SCFD2: variants seen among roughly 807,000 people sequenced by gnomAD.
The protein encoded by SCFD2 is sec1 family domain containing 2.
SCFD2 carries 54 observed loss-of-function variants against 58.9 expected under a neutral mutation model. The observed-to-expected ratio is 0.92, with a 90% CI of 0.74 to 1.15. The LOEUF is 1.15. Among genes scored for constraint, SCFD2 ranks in the 50% most tolerant of loss-of-function variants. SCFD2 has a pLI of 0.00. For synonymous variants in SCFD2, 321 were observed against 335.9 expected (o/e 0.96, Z 0.49); for missense variants, 805 against 836.6 (o/e 0.96, Z 0.47).
intron 1 of SCFD2, among the ~76,000 whole-genome samples, chr4:53,362,750 G>GA (rs1734581763): frequency 6.6e-6 from 1 of 151,988 alleles, no homozygotes; most frequent in African/African-American, 2.4e-5. Context: ...TTCCCTGGGT[G>GA]AAAATACAGA....
At chr4:53,160,160 G>C (rs1372069441) in intron 4 of SCFD2, among the ~76,000 whole-genome samples, 2 of 152,140 alleles carry the variant, frequency 1.3e-5, no homozygotes, top group Non-Finnish European at 2.9e-5. Context: ...GCAGAGAAGG[G>C]GCCAGATCAT....
intron 7 of SCFD2, among the ~76,000 whole-genome samples, chr4:52,888,711 C>A (rs1718809841): frequency 6.6e-6 from 1 of 152,174 alleles, no homozygotes; most frequent in Admixed American, 6.5e-5. Flanking sequence ...TTAATAGGTT[C>A]CCTTTCTTGG....
chr4:52,975,435 G>A (rs1422530260), intron 5 of SCFD2, among the ~76,000 whole-genome samples: 1 of 152,196 alleles, frequency 6.6e-6, no homozygotes, highest in African/African-American at 2.4e-5. Flanking sequence ...CATCATCACT[G>A]ACCAGCAGAG....
At chr4:53,351,123 C>T (rs1395184784) in intron 2 of SCFD2, among the ~76,000 whole-genome samples, 1 of 152,178 alleles carries the variant, frequency 6.6e-6, no homozygotes, top group Non-Finnish European at 1.5e-5. Flanking sequence ...CAACATCTAC[C>T]TCATTAGGAT....
chr4:52,906,945 T>C (rs1263626276), intron 7 of SCFD2, among the ~76,000 whole-genome samples: 1 of 152,180 alleles, frequency 6.6e-6, no homozygotes, highest in Non-Finnish European at 1.5e-5. Flanking sequence ...TTCAGTTATT[T>C]TGACCCACCC....
intron 6 of SCFD2, among the ~76,000 whole-genome samples, chr4:52,913,452 A>C (rs1302330305): frequency 6.6e-6 from 1 of 152,144 alleles, no homozygotes; most frequent in Non-Finnish European, 1.5e-5. Context: ...TGAAAATCTA[A>C]TGTCTGATGG....
chr4:53,243,723 C>T (rs561946257), intron 4 of SCFD2, among the ~76,000 whole-genome samples: 6 of 151,996 alleles, frequency 3.9e-5, no homozygotes, highest in Non-Finnish European at 8.8e-5. Context: ...AAAAAAGAAC[C>T]AGTGGTATGC....
chr4:53,317,163 G>A (rs1235655533), intron 2 of SCFD2, among the ~76,000 whole-genome samples: 1 of 151,816 alleles, frequency 6.6e-6, no homozygotes, highest in East Asian at 1.9e-4. Flanking sequence ...CCTAATGCCT[G>A]CTTCCTGTCC....
intron 2 of SCFD2, among the ~76,000 whole-genome samples, chr4:53,318,258 T>C (rs1173020083): frequency 6.6e-6 from 1 of 152,240 alleles, no homozygotes; most frequent in Non-Finnish European, 1.5e-5. Flanking sequence ...CAAAGACTTT[T>C]AAGCAATGAC....
intron 5 of SCFD2, among the ~76,000 whole-genome samples, chr4:52,969,289 G>T (rs1186992717): frequency 6.6e-6 from 1 of 152,180 alleles, no homozygotes; most frequent in Admixed American, 6.5e-5. Flanking sequence ...TCTGAATAAA[G>T]TCTTCCTTAC....
At chr4:53,180,865 C>T (rs1209078640) in intron 4 of SCFD2, among the ~76,000 whole-genome samples, 1 of 152,164 alleles carries the variant, frequency 6.6e-6, no homozygotes, top group African/African-American at 2.4e-5. Context: ...TCAGAGAACA[C>T]TATAAACACC....
chr4:52,980,407 G>A (rs1399941350), intron 5 of SCFD2, among the ~76,000 whole-genome samples: 1 of 152,142 alleles, frequency 6.6e-6, no homozygotes, highest in African/African-American at 2.4e-5. Flanking sequence ...AATAACCGTA[G>A]TTCAGAGCAT....
intron 4 of SCFD2, chr4:53,265,715 T>C (rs1730965033): frequency 6.6e-6 from 1 of 152,178 alleles, no homozygotes; most frequent in South Asian, 2.1e-4. Flanking sequence ...GGTATAAACA[T>C]GCCTATAAAA....
chr4:52,897,767 T>A (rs1206587273), intron 7 of SCFD2, among the ~76,000 whole-genome samples: 1 of 152,236 alleles, frequency 6.6e-6, no homozygotes, highest in African/African-American at 2.4e-5. Flanking sequence ...AGAATTCAAC[T>A]GCGAATCCAT....
chr4:52,942,496 T>G (rs1720318469), intron 5 of SCFD2, among the ~76,000 whole-genome samples: 1 of 152,160 alleles, frequency 6.6e-6, no homozygotes, highest in Non-Finnish European at 1.5e-5. Flanking sequence ...GAGACTGTTA[T>G]GAGTCCTGTT....
intron 5 of SCFD2, among the ~76,000 whole-genome samples, chr4:53,013,720 C>T (rs1722149669): frequency 1.3e-5 from 2 of 152,152 alleles, no homozygotes; most frequent in African/African-American, 2.4e-5. Flanking sequence ...GATCATTAGG[C>T]CCATCTCCTC....
intron 2 of SCFD2, among the ~76,000 whole-genome samples, chr4:53,347,649 A>T (rs1017954385): frequency 6.6e-6 from 1 of 152,208 alleles, no homozygotes; most frequent in Non-Finnish European, 1.5e-5. Flanking sequence ...AGTCAGAGGA[A>T]CTTTAAGAGC....
chr4:53,068,214 C>T (rs1723718359), intron 5 of SCFD2, among the ~76,000 whole-genome samples: 1 of 152,050 alleles, frequency 6.6e-6, no homozygotes, highest in African/African-American at 2.4e-5. Flanking sequence ...AAGAAGAAAG[C>T]ACAGAGTTCC....
intron 3 of SCFD2, among the ~76,000 whole-genome samples, chr4:53,278,242 C>CT (rs1180581893): frequency 2.6e-5 from 4 of 151,580 alleles, no homozygotes; most frequent in African/African-American, 9.7e-5. Flanking sequence ...TGGTGGGCAC[C>CT]TGTAGTTCCA....
Sources: gnomAD v4.1 joint callset for allele counts (sites outside exome capture counted in the v4.1 genomes callset) on GRCh38, gnomAD v4.1.1 for gene constraint, MANE v1.5 for transcripts, NCBI Gene and HGNC (gene_info 2026-07-23, HGNC 2026-07-21) for gene names.